FABP12: variants seen among roughly 807,000 people sequenced by gnomAD.
The protein encoded by FABP12 is fatty acid-binding protein 12.
A neutral mutation model predicts 13.7 loss-of-function variants in FABP12; 19 were observed. The observed-to-expected ratio is 1.39, with a 90% confidence interval of 0.97 to 2.04. FABP12 has a LOEUF of 2.04. FABP12 is among the 30% of genes most tolerant of loss of function. FABP12 has a pLI of 0.00. For synonymous variants in FABP12, 61 were observed against 57.0 expected, an observed-to-expected ratio of 1.07 and a Z score of -0.32; for missense variants, 182 against 164.2, an observed-to-expected ratio of 1.11 and a Z score of -0.59.
intron 1 of FABP12, among the ~76,000 whole-genome samples, chr8:81,545,787 G>GTT (rs1170552736): frequency 1.3e-5 from 2 of 152,256 alleles, no homozygotes; most frequent in African/African-American, 4.8e-5. Flanking sequence ...TTATAGGGAT[G>GTT]TTTTCAATCC....
At chr8:81,541,205 C>T (rs1215456862) in intron 1 of FABP12, among the ~76,000 whole-genome samples, 1 of 151,418 alleles carries the variant, frequency 6.6e-6, no homozygotes, top group Non-Finnish European at 1.5e-5. Flanking sequence ...AAAAGACACA[C>T]ACACAAAGCG....
intron 1 of FABP12, among the ~76,000 whole-genome samples, chr8:81,578,825 T>TTCTTTTC (rs796181201): frequency 1.2e-4 from 13 of 111,470 alleles, no homozygotes; most frequent in Non-Finnish European, 2.0e-4. Context: ...TTGTTCAAGT[T>TTCTTTTC]TTTTTTTTTT....
rs796181201 is a variant in FABP12 at position 81,578,825 on chromosome 8, T to TTC, written c.-185+11227_-185+11228insGA. On this transcript the variant is annotated intron_variant, in intron 1 of 5. Coordinates refer to the FABP12 transcript ENST00000692030. Reference sequence around the variant, plus strand: ...CAGAATCTGACACATTTGTTCAAGTTTTTTTTTTTTTTTTTTTGAGAAGGA... The same window carrying TTC: ...CAGAATCTGACACATTTGTTCAAGTTTCTTTTTTTTTTTTTTTTTGAGAAGGA... Among the ~76,000 whole-genome samples, 4 of 111,466 alleles carry TTC rather than the reference T, an allele frequency of 3.6e-5. 1 individual carries two copies. The highest frequency in any genetic ancestry group is 1.1e-4 in the African/African-American group (3 of 27,306). The allele number at this position is 111,466 out of a possible 152,430, so 73.1% of individuals were successfully genotyped here.
At chr8:81,554,325 G>A (rs894539734) in intron 1 of FABP12, among the ~76,000 whole-genome samples, 2 of 152,208 alleles carry the variant, frequency 1.3e-5, no homozygotes, top group East Asian at 3.9e-4. Flanking sequence ...TAGATGCCTT[G>A]CATAAATAAA....
chr8:81,539,433 CTTTTTTTTTTTTT>C (rs35386904), intron 2 of FABP12, among the ~76,000 whole-genome samples: 9 of 50,028 alleles, frequency 1.8e-4, no homozygotes, highest in Non-Finnish European at 2.4e-4. Context: ...TTCTTTAGTT[CTTTTTTTTTTTTT>C]TTTTTTTTTT....
At chr8:81,567,958 A>G (rs1415455508) in intron 1 of FABP12, among the ~76,000 whole-genome samples, 3 of 151,958 alleles carry the variant, frequency 2.0e-5, no homozygotes, top group Non-Finnish European at 4.4e-5. Flanking sequence ...CGTCTCTACT[A>G]AAAATACAAA....
intron 1 of FABP12, among the ~76,000 whole-genome samples, chr8:81,564,455 A>C (rs1437784163): frequency 6.6e-6 from 1 of 152,124 alleles, no homozygotes; most frequent in African/African-American, 2.4e-5. Flanking sequence ...TGAAAGATAA[A>C]CCAACAAAAA....
intron 2 of FABP12, among the ~76,000 whole-genome samples, chr8:81,530,051 A>G (rs1468150208): frequency 6.6e-6 from 1 of 152,156 alleles, no homozygotes; most frequent in Non-Finnish European, 1.5e-5. Context: ...TCTTACATGT[A>G]TATATATATG....
Position 81,566,929 on chromosome 8 carries a change from C to T in FABP12, c.-185+23124G>A, listed in dbSNP as rs1156827772. The stretch of plus-strand genomic sequence containing the variant: ...AAAACCTAAAGACTCTATCAAAAAA[C>T]GATTAGAGTCAACAAACAAATTTAG... On this transcript the variant is annotated intron_variant, in intron 1 of 5. Coordinates refer to the FABP12 transcript ENST00000692030. Among the ~76,000 whole-genome samples the T allele has an allele frequency of 2.6e-5, 4 of 152,138 alleles. No homozygotes were observed. The East Asian group carries it at 7.7e-4, about 29-fold the overall frequency.
intron 1 of FABP12, among the ~76,000 whole-genome samples, chr8:81,554,759 G>A (rs924893968): frequency 1.3e-5 from 2 of 151,730 alleles, no homozygotes; most frequent in East Asian, 1.9e-4. Flanking sequence ...GAATTGTCTC[G>A]GGCTACATAT....
At position 81,539,594 on chromosome 8, in the gene FABP12, A is replaced by G. The variant is rs115608260; in HGVS notation, c.-59+24T>C. ...AAAATAAATTAGTTGATGCTGGTAA[A>G]CAGCATGCTATGCGATGCCTTACTC... On this transcript the variant is annotated intron_variant, in intron 2 of 5. Transcript: ENST00000692030. Among the ~76,000 whole-genome samples the G allele has an allele frequency of 8.0e-3, 1,222 of 152,194 alleles. 14 individuals carry two copies. Among genetic ancestry groups the G allele is most frequent in the African/African-American group, 0.028 (1,154 of 41,532 alleles).
intron 1 of FABP12, among the ~76,000 whole-genome samples, chr8:81,532,544 C>G (rs1044693408): frequency 6.6e-6 from 1 of 152,166 alleles, no homozygotes; most frequent in Non-Finnish European, 1.5e-5. Context: ...ATAGTTTGGC[C>G]AGGTGCAGTG....
At chr8:81,545,890 C>T (rs1034166287) in intron 1 of FABP12, among the ~76,000 whole-genome samples, 2 of 152,174 alleles carry the variant, frequency 1.3e-5, no homozygotes, top group Non-Finnish European at 2.9e-5. Flanking sequence ...GGAATCTTCT[C>T]TAGAAAGTCA....
At chr8:81,586,895 A>G (rs1163268763) in intron 1 of FABP12, among the ~76,000 whole-genome samples, 1 of 152,144 alleles carries the variant, frequency 6.6e-6, no homozygotes, top group African/African-American at 2.4e-5. Flanking sequence ...AGTATTTCCT[A>G]CGTTTCCTTC....
upstream of FABP12, among the ~76,000 whole-genome samples, chr8:81,535,039 G>A (rs186428851): frequency 1.6e-4 from 24 of 152,340 alleles, no homozygotes; most frequent in African/African-American, 2.6e-4. Flanking sequence ...AATGTGAAAT[G>A]TGGTCTGACT....
intron 1 of FABP12, among the ~76,000 whole-genome samples, chr8:81,540,684 A>G (rs1256683956): frequency 6.6e-6 from 1 of 152,260 alleles, no homozygotes; most frequent in African/African-American, 2.4e-5. Context: ...AAGAAACATT[A>G]GTAGAACAAA....
At chr8:81,567,773 C>G (rs1029527630) in intron 1 of FABP12, among the ~76,000 whole-genome samples, 3 of 152,146 alleles carry the variant, frequency 2.0e-5, no homozygotes, top group Admixed American at 2.0e-4. Context: ...AGTAATACTC[C>G]ACGAGGACAG....
intron 1 of FABP12, among the ~76,000 whole-genome samples, chr8:81,587,936 G>A (rs1342861159): frequency 2.6e-5 from 4 of 152,090 alleles, no homozygotes; most frequent in Admixed American, 1.3e-4. Flanking sequence ...TTCAGTCAGT[G>A]GTCAAAGGTC....
intron 4 of FABP12, 67 bp downstream of exon 4, chr8:81,526,953 G>T: frequency 1.1e-6 from 1 of 900,060 alleles, no homozygotes; most frequent in Non-Finnish European, 1.7e-6. Context: ...CATTGTTTGA[G>T]AACAAGTTGT....
Sources: allele counts gnomAD v4.1 joint callset (sites outside exome capture counted in the v4.1 genomes callset), GRCh38; gene constraint gnomAD v4.1.1; transcripts MANE v1.5; gene names NCBI Gene and HGNC (gene_info 2026-07-23, HGNC 2026-07-21).